Variants in CCT4 observed in about 807,000 individuals in gnomAD.
CCT4 encodes chaperonin containing TCP1 subunit 4, also known as T-complex protein 1 subunit delta.
A neutral mutation model predicts 62.5 loss-of-function variants in CCT4; 17 were observed. That is an observed-to-expected ratio of 0.27 (90% CI 0.19 to 0.41). The LOEUF (loss-of-function observed/expected upper bound fraction) is 0.41. Ranked by LOEUF, CCT4 falls within the 10% of genes least tolerant of loss-of-function variation. The probability of loss-of-function intolerance (pLI) is 1.00; values close to 1 mark genes in which losing one functional copy is unlikely to be tolerated. For synonymous variants in CCT4, 250 were observed against 229.9 expected (o/e 1.09, Z -0.79); for missense variants, 592 against 659.2 (o/e 0.90, Z 1.12).
chr2:61,878,933 C>T lies in CCT4; in HGVS notation c.458G>A (p.Arg153Gln), dbSNP rs749796705. The change falls in exon 5 of 14, where the codon CGA becomes CAA. Residue 153 changes from arginine (R) to glutamine (Q), a missense_variant. By Grantham distance (43) the Arg-to-Gln change is conservative. Around this residue, in one of 3 missense-constraint regions of CCT4, gnomAD observed 522 missense variants for 571.2 expected, o/e 0.91. Coordinates refer to ENST00000394440, the MANE Select transcript of CCT4 (RefSeq NM_006430.4). Reference sequence around the variant, plus strand: ...TTCTCTGTCACTCAGTTCCACAGGTCGAGACATGTCAGTCAAGATTTCAAT... The same window carrying T: ...TTCTCTGTCACTCAGTTCCACAGGTTGAGACATGTCAGTCAAGATTTCAAT... ...KGIEILTDMS[R>Q]PVELSDRETL... 8 of 1,611,170 alleles carry T rather than the reference C, an allele frequency of 5.0e-6. No homozygotes were observed. Among genetic ancestry groups the T allele is most frequent in the East Asian group, 2.2e-5 (1 of 44,846 alleles).
Position 61,877,415 on chromosome 2 carries a change from T to G in CCT4, c.622A>C (p.Ile208Leu). The G allele has an allele frequency of 6.5e-7, 1 of 1,540,428 alleles. No homozygotes were observed. Among genetic ancestry groups the G allele is most frequent in the Non-Finnish European group, 8.8e-7 (1 of 1,142,510 alleles). ...TACCCAAGCTTCTTAACTATTTTAA[T>G]ATCTCTAAGATCTACACTGGTGGCT... is the stretch of plus-strand genomic sequence containing the variant. ...ATATSVDLRD[I>L]KIVKKLGGTI... is the part of the protein sequence containing the mutation. Residue 208 changes from isoleucine (I) to leucine (L), a missense_variant, in exon 6 of 14, where the codon ATT becomes CTT. Coordinates refer to ENST00000394440, the MANE Select transcript of CCT4 (RefSeq NM_006430.4).
At chr2:61,875,500 T>C in intron 8 of CCT4, among the ~76,000 whole-genome samples, 1 of 150,592 alleles carries the variant, frequency 6.6e-6, no homozygotes, top group East Asian at 2.0e-4. Context: ...GAATCACTTG[T>C]TGAACCCAGG....
At position 61,884,705 on chromosome 2, in the gene CCT4, C is replaced by T. The variant is rs183379118; in HGVS notation, c.180+315G>A. On this transcript the variant is annotated intron_variant, in intron 2 of 13. Transcript: ENST00000394440. Reference sequence around the variant, plus strand: ...GTGCAATGGCACAATCTCAGCTCACCGCAACCTCTGCCTCCCAGGTTCAAG... The same window carrying T: ...GTGCAATGGCACAATCTCAGCTCACTGCAACCTCTGCCTCCCAGGTTCAAG... Among the ~76,000 whole-genome samples, 1,111 of 151,414 alleles carry T rather than the reference C, an allele frequency of 7.3e-3. 13 individuals are homozygous for T. Among genetic ancestry groups the T allele is most frequent in the Middle Eastern group, 0.048 (14 of 292 alleles).
chr2:61,880,897 C>A (rs920846367), intron 3 of CCT4, among the ~76,000 whole-genome samples: 1 of 151,810 alleles, frequency 6.6e-6, no homozygotes. Context: ...CTTTTTTGTT[C>A]GTTTGTTTTT....
intron 7 of CCT4, 31 bp downstream of exon 7, chr2:61,876,889 A>G (rs1277985288): frequency 6.4e-7 from 1 of 1,569,732 alleles, no homozygotes; most frequent in East Asian, 2.3e-5. Flanking sequence ...AGTTAAACAC[A>G]GAGAACCAAT....
Position 61,878,974 on chromosome 2 carries a change from C to G in CCT4, c.417G>C (p.Lys139Asn). ...HPTIISESFQ[K>N]ALEKGIEILT... ...AGATTTCAATGCCCTTTTCCAGGGC[C>G]TTCTGGAATGACTCAGAAATGATGG... is the stretch of plus-strand genomic sequence containing the variant. The change falls in exon 5 of 14, where the codon AAG (lysine) becomes AAC (asparagine). Residue 139 changes from lysine (K) to asparagine (N), a missense_variant. Physicochemically the swap from Lys to Asn is moderately conservative, Grantham distance 94. Around this residue, in one of 3 missense-constraint regions of CCT4, gnomAD observed 522 missense variants for 571.2 expected, o/e 0.91. Transcript: ENST00000394440. 1 of 1,608,804 alleles carries G rather than the reference C, an allele frequency of 6.2e-7. No homozygotes were observed. Among genetic ancestry groups the G allele is most frequent in the Non-Finnish European group, 8.5e-7 (1 of 1,177,390 alleles).
intron 1 of CCT4, 86 bp downstream of exon 1, chr2:61,888,295 G>A: frequency 1.4e-6 from 2 of 1,472,400 alleles, no homozygotes; most frequent in Non-Finnish European, 1.8e-6. Context: ...CGAAGAAATG[G>A]GAAATGAGCC....
chr2:61,881,592 A>C (rs1669116583), intron 3 of CCT4, among the ~76,000 whole-genome samples: 1 of 152,194 alleles, frequency 6.6e-6, no homozygotes, highest in African/African-American at 2.4e-5. Context: ...TGTCAACTAA[A>C]TATTTTTGAA....
chr2:61,882,682 T>C (rs540542538), intron 3 of CCT4, among the ~76,000 whole-genome samples: 8 of 152,284 alleles, frequency 5.3e-5, no homozygotes, highest in African/African-American at 1.9e-4. Flanking sequence ...TATTATTTTT[T>C]GTATTTTCAG....
chr2:61,869,676 T>C, intron 12 of CCT4, 123 bp from the exon 13 acceptor site: 2 of 644,300 alleles, frequency 3.1e-6, no homozygotes, highest in South Asian at 3.7e-5. Flanking sequence ...AAGATTAGAA[T>C]ATGATACTCT....
chr2:61,872,209 G>A lies in CCT4; in HGVS notation c.1364C>T (p.Ala455Val), dbSNP rs1245472575. 28 of 1,613,502 alleles carry A rather than the reference G, an allele frequency of 1.7e-5. No homozygotes were observed. The highest frequency in any genetic ancestry group is 3.3e-5 in the Admixed American group (2 of 59,984). Residue 455 changes from alanine (A) to valine (V), a missense_variant, in exon 12 of 14, where the codon GCA becomes GTA. Transcript: ENST00000394440. ...GMESYCVRAF[A>V]DAMEVIPSTL... is the part of the protein sequence containing the mutation. ...AGATGGAATGACCTCCATAGCATCT[G>A]CAAAAGCACGAACGCAGTAGGATTC... is the stretch of plus-strand genomic sequence containing the variant.
Position 61,878,827 on chromosome 2 carries a change from C to T in CCT4, c.522+42G>A, listed in dbSNP as rs768850033. 16 of 1,484,142 alleles carry T rather than the reference C, an allele frequency of 1.1e-5. No individual in the cohort carries two copies. In the African/African-American group the frequency reaches 1.9e-4, roughly 18 times the overall value. The allele number at this position is 1,484,142 out of a possible 1,614,324, so 91.9% of individuals were successfully genotyped here. The stretch of plus-strand genomic sequence containing the variant: ...GCATCAAGAATCATAGAGTAACACA[C>T]TTTTAACTAATTTGACAAGTATCCG... On this transcript the variant is annotated intron_variant, in intron 5 of 13. Coordinates refer to ENST00000394440, the MANE Select transcript of CCT4 (RefSeq NM_006430.4).
intron 4 of CCT4, among the ~76,000 whole-genome samples, chr2:61,879,335 C>G (rs112097147): frequency 6.9e-6 from 1 of 144,858 alleles, no homozygotes; most frequent in African/African-American, 2.6e-5. Flanking sequence ...GATCTCAGCT[C>G]ACTACAGCCT....
rs1290782105 is a variant in CCT4, at chr2:61,868,676, T to C, written c.*16A>G. On this transcript the variant is annotated 3_prime_UTR_variant, in exon 14 of 14. Transcript: ENST00000394440. The stretch of plus-strand genomic sequence containing the variant: ...ACAATACTGGTGATCATAATGGTGC[T>C]AGTCAGTTATCCAGATTATCGAGTG... 1.3e-6 allele frequency: 2 copies of C among 1,578,456 alleles called. No homozygotes were observed. Among genetic ancestry groups the C allele is most frequent in the Admixed American group, 1.7e-5 (1 of 59,962 alleles).
At chr2:61,870,211 A>G (rs1668854954) in intron 12 of CCT4, among the ~76,000 whole-genome samples, 1 of 151,838 alleles carries the variant, frequency 6.6e-6, no homozygotes, top group Admixed American at 6.6e-5. Flanking sequence ...CAGGAGGCGG[A>G]GTGCAGTGAG....
intron 7 of CCT4, among the ~76,000 whole-genome samples, chr2:61,876,661 C>A (rs1490925316): frequency 6.6e-6 from 1 of 152,132 alleles, no homozygotes; most frequent in African/African-American, 2.4e-5. Context: ...TAGGTTCAAG[C>A]AATTTTTCTG....
rs1669319183 is a variant in CCT4, at chr2:61,888,562, T to TGGCC, written c.-59_-56dup. On this transcript the variant is annotated 5_prime_UTR_variant, in exon 1 of 14. Transcript: ENST00000394440. ...GGGAAGGACGGATGGACCCGGATTC[T>TGGCC]GGCCGGCCGCAGTGTAATAACGGTA... 6.3e-7 allele frequency: 1 copy of TGGCC among 1,582,614 alleles called. No homozygotes were observed. The highest frequency in any genetic ancestry group is 1.3e-5 in the African/African-American group (1 of 74,284).
chr2:61,882,744 C>T (rs1669146027), intron 3 of CCT4, among the ~76,000 whole-genome samples: 1 of 152,006 alleles, frequency 6.6e-6, no homozygotes, highest in Non-Finnish European at 1.5e-5. Flanking sequence ...CTCCTGAGCT[C>T]AAGCAATCCT....
chr2:61,883,501 G>T lies in CCT4; in HGVS notation c.228C>A (p.Thr76=). 6.2e-7 allele frequency: 1 copy of T among 1,600,016 alleles called. No individual in the cohort carries two copies. The highest frequency in any genetic ancestry group is 8.5e-7 in the Non-Finnish European group (1 of 1,173,740). The change falls in exon 3 of 14, where the codon ACC becomes ACA. Residue 76 remains threonine, a synonymous_variant. Coordinates refer to ENST00000394440, the MANE Select transcript of CCT4 (RefSeq NM_006430.4). The part of the protein sequence containing the change: ...GDVTITNDGA[T]ILKQMQVLHP... The stretch of plus-strand genomic sequence containing the variant: ...GTAATACTTGCATTTGTTTCAGAAT[G>T]GTAGCACCATCATTTGTAATGGTTA...
Sources: allele counts gnomAD v4.1 joint callset (sites outside exome capture counted in the v4.1 genomes callset), GRCh38; gene constraint gnomAD v4.1.1; regional missense constraint gnomAD v4.1.1; transcripts MANE v1.5; gene names NCBI Gene and HGNC (gene_info 2026-07-23, HGNC 2026-07-21).